The following MOXD1 variants were observed in gnomAD, a reference collection of about 807,000 sequenced individuals.
The protein encoded by MOXD1 is DBH-like monooxygenase protein 1.
A neutral mutation model predicts 66.6 loss-of-function variants in MOXD1; 62 were observed. The observed-to-expected ratio is 0.93, with a 90% CI of 0.76 to 1.15. The LOEUF is 1.15. Among genes scored for constraint, MOXD1 ranks in the 50% most tolerant of loss-of-function variants. The pLI is 0.00. For synonymous variants in MOXD1, 303 were observed against 281.9 expected, an observed-to-expected ratio of 1.07 and a Z score of -0.75; for missense variants, 847 against 754.6, an observed-to-expected ratio of 1.12 and a Z score of -1.44.
Position 132,358,424 on chromosome 6 carries a change from A to C in MOXD1, c.663+14184T>G, listed in dbSNP as rs1027952368. On this transcript the variant is annotated intron_variant, in intron 4 of 11. Coordinates refer to ENST00000367963, the MANE Select transcript of MOXD1 (RefSeq NM_015529.4). ...GCTCCATGACATTAGAGATGACATT[A>C]CATTTTTCTGAGCCTGTTTTCTCAT... Among the ~76,000 whole-genome samples the C allele has an allele frequency of 3.3e-5, 5 of 152,172 alleles. No individual in the cohort carries two copies. In the South Asian group the frequency reaches 1.0e-3, roughly 31 times the overall value.
Position 132,401,327 on chromosome 6 carries a change from C to T in MOXD1, c.100G>A (p.Glu34Lys). The T allele has an allele frequency of 6.3e-7, 1 of 1,588,938 alleles. No homozygotes were observed. Among genetic ancestry groups the T allele is most frequent in the African/African-American group, 1.3e-5 (1 of 74,214 alleles). The change falls in exon 1 of 12, where the codon GAG becomes AAG. Residue 34 changes from glutamate (E) to lysine (K), a missense_variant. By Grantham distance (56) the Glu-to-Lys change is moderately conservative. Transcript: ENST00000367963. ...TYPHRTLLDSEGKYWLGWSQR... is the reference protein window; with the variant it reads ...TYPHRTLLDSKGKYWLGWSQR... Reference sequence around the variant, plus strand: ...CTCCAGCCCAGCCAGTACTTGCCCTCCGAGTCCAGGAGGGTCCGGTGCGGA... The same window carrying T: ...CTCCAGCCCAGCCAGTACTTGCCCTTCGAGTCCAGGAGGGTCCGGTGCGGA...
intron 1 of MOXD1, among the ~76,000 whole-genome samples, chr6:132,378,890 TTTTTTTTTTTTTTTTTTTTTTTTTG>T (rs1776450970): frequency 9.7e-6 from 1 of 103,248 alleles, no homozygotes; most frequent in Non-Finnish European, 1.8e-5. Flanking sequence ...TTTTTTTTTT[TTTTTTTTTTTTTTTTTTTTTTTTTG>T]CGACAGAGTT....
intron 10 of MOXD1, among the ~76,000 whole-genome samples, chr6:132,303,835 G>GTATATATATATATA (rs1158339059): frequency 1.5e-4 from 7 of 47,542 alleles, no homozygotes; most frequent in Non-Finnish European, 2.5e-4. Flanking sequence ...GTGTGTGTGT[G>GTATATATATATATA]TATATATATA....
chr6:132,374,645 C>A lies in MOXD1; in HGVS notation c.397G>T (p.Asp133Tyr), dbSNP rs1222148941. ...TRELHTCDIN[D>Y]KSITDSTVRV... ...AGATGCCTTACCGTTATACTCTTGT[C>A]ATTTATGTCACATGTATGCAGCTCT... The change falls in exon 2 of 12, where the codon GAC becomes TAC. Residue 133 changes from aspartate to tyrosine, a missense_variant. Physicochemically the swap from Asp to Tyr is radical, Grantham distance 160 (BLOSUM62 -3). Coordinates refer to ENST00000367963, the MANE Select transcript of MOXD1 (RefSeq NM_015529.4). 4 of 1,613,732 alleles carry A rather than the reference C, an allele frequency of 2.5e-6. No homozygotes were observed.
At chr6:132,346,477 A>T (rs905820348) in intron 4 of MOXD1, among the ~76,000 whole-genome samples, 8 of 152,096 alleles carry the variant, frequency 5.3e-5, no homozygotes, top group African/African-American at 1.9e-4. Flanking sequence ...TATTTCTCTG[A>T]GCATAGTCTA....
chr6:132,329,674 T>C (rs1057460909), intron 4 of MOXD1, among the ~76,000 whole-genome samples: 13 of 152,092 alleles, frequency 8.5e-5, no homozygotes, highest in African/African-American at 3.1e-4. Flanking sequence ...AAGAATTAAA[T>C]TGTAATCTGA....
At chr6:132,312,243 T>G (rs1774846001) in intron 10 of MOXD1, among the ~76,000 whole-genome samples, 1 of 152,016 alleles carries the variant, frequency 6.6e-6, no homozygotes, top group Admixed American at 6.6e-5. Context: ...TTCCTAGGAT[T>G]GCTATAGAAT....
chr6:132,398,154 C>G (rs1009861329), intron 1 of MOXD1, among the ~76,000 whole-genome samples: 4 of 152,152 alleles, frequency 2.6e-5, no homozygotes, highest in African/African-American at 4.8e-5. Context: ...CAGTATTTAT[C>G]TTTCTGCATC....
At position 132,322,693 on chromosome 6, in the gene MOXD1, G is replaced by T. The variant is rs1267012812; in HGVS notation, c.1291C>A (p.Gln431Lys). The T allele has an allele frequency of 6.2e-7, 1 of 1,613,514 alleles. No homozygotes were observed. The change falls in exon 8 of 12, where the codon CAA becomes AAA. Residue 431 changes from glutamine (Q) to lysine (K), a missense_variant. Gln to Lys is a moderately conservative substitution (Grantham distance 53). Transcript: ENST00000367963. The stretch of plus-strand genomic sequence containing the variant: ...AACATGCATACTGGTAAGATTGTTT[G>T]TTCTTCCTTTAGATACTGAAACTCC... ...FQEFQYLKEE[Q>K]TILPGDNLIT...
In MOXD1 at chr6:132,320,694, A is replaced by G. The variant is rs372128848; in HGVS notation, c.1306-6T>C. 310 of 1,609,326 alleles carry G rather than the reference A, an allele frequency of 1.9e-4. No homozygotes were observed. Among genetic ancestry groups the G allele is most frequent in the Admixed American group, 6.9e-4 (41 of 59,338 alleles). ...TCAGTAATTAGGTTATCTCCCTGAAACATAAAAGCAAAAGCTTTCAGATTG... is the reference window on the plus strand; with the variant it reads ...TCAGTAATTAGGTTATCTCCCTGAAGCATAAAAGCAAAAGCTTTCAGATTG... On this transcript the variant is annotated splice_region_variant and splice_polypyrimidine_tract_variant and intron_variant, in intron 8 of 11. Coordinates refer to ENST00000367963, the MANE Select transcript of MOXD1 (RefSeq NM_015529.4).
In MOXD1 at chr6:132,310,915, G is replaced by A. The variant is rs574225349; in HGVS notation, c.1508+4720C>T. ...AGTGCAGCAAACCACCATGGCACTC[G>A]TATACCTATGTAACAAAGCTGCACA... On this transcript the variant is annotated intron_variant, in intron 10 of 11. Transcript: ENST00000367963. 9.9e-5 allele frequency among the ~76,000 whole-genome samples: 15 copies of A among 152,200 alleles called. No individual in the cohort carries two copies. In the East Asian group the frequency reaches 1.7e-3, roughly 18 times the overall value.
chr6:132,358,608 T>A (rs903423732), intron 4 of MOXD1, among the ~76,000 whole-genome samples: 6 of 152,194 alleles, frequency 3.9e-5, no homozygotes, highest in African/African-American at 1.4e-4. Flanking sequence ...GGGTATATAC[T>A]AACACCAAAA....
In MOXD1 at chr6:132,350,852, G is replaced by A. The variant is rs1057216611; in HGVS notation, c.663+21756C>T. 4.0e-5 allele frequency among the ~76,000 whole-genome samples: 6 copies of A among 151,722 alleles called. 1 individual carries two copies. Among genetic ancestry groups the A allele is most frequent in the South Asian group, 4.2e-4 (2 of 4,810 alleles). On this transcript the variant is annotated intron_variant, in intron 4 of 11. Coordinates refer to ENST00000367963, the MANE Select transcript of MOXD1 (RefSeq NM_015529.4). Reference sequence around the variant, plus strand: ...AGAGGTCCTTGGCCTCTTTGGTTAGGTATATTTCTAAGTTTTTTGTTTTTG... The same window carrying A: ...AGAGGTCCTTGGCCTCTTTGGTTAGATATATTTCTAAGTTTTTTGTTTTTG...
intron 8 of MOXD1, among the ~76,000 whole-genome samples, chr6:132,321,581 C>A (rs1017563341): frequency 9.9e-5 from 15 of 152,082 alleles, no homozygotes; most frequent in Non-Finnish European, 2.1e-4. Context: ...TATTCATAGA[C>A]CTGAGGCCGT....
chr6:132,374,555 C>T, intron 2 of MOXD1, 76 bp downstream of exon 2: 2 of 1,277,590 alleles, frequency 1.6e-6, no homozygotes, highest in Non-Finnish European at 2.1e-6. Flanking sequence ...TGACTTGTTT[C>T]TCTTATTCTT....
intron 9 of MOXD1, 42 bp downstream of exon 9, chr6:132,320,587 C>A: frequency 6.9e-7 from 1 of 1,453,848 alleles, no homozygotes. Flanking sequence ...TTATTTCTTT[C>A]TCTCCATAAA....
chr6:132,336,463 C>A (rs1393892491), intron 4 of MOXD1, among the ~76,000 whole-genome samples: 3 of 152,192 alleles, frequency 2.0e-5, no homozygotes, highest in Non-Finnish European at 4.4e-5. Flanking sequence ...GAGGTATCTG[C>A]CCCTCTCTCT....
intron 4 of MOXD1, among the ~76,000 whole-genome samples, chr6:132,367,715 A>G (rs1776175684): frequency 6.6e-6 from 1 of 152,114 alleles, no homozygotes; most frequent in Non-Finnish European, 1.5e-5. Context: ...AGTGCTTAAA[A>G]AACAACAACT....
chr6:132,331,800 C>T (rs1562284588), intron 4 of MOXD1, among the ~76,000 whole-genome samples: 2 of 152,134 alleles, frequency 1.3e-5, no homozygotes, highest in Admixed American at 6.5e-5. Flanking sequence ...TACTTTCCTA[C>T]GGCTACACAT....
Sources: gnomAD v4.1 joint callset for allele counts (sites outside exome capture counted in the v4.1 genomes callset) on GRCh38, gnomAD v4.1.1 for gene constraint, MANE v1.5 for transcripts, NCBI Gene and HGNC (gene_info 2026-07-23, HGNC 2026-07-21) for gene names.